The following LRP1B variants were observed in gnomAD, a reference collection of about 807,000 sequenced individuals.
The protein encoded by LRP1B is low-density lipoprotein receptor-related protein 1B.
LRP1B carries 217 observed loss-of-function variants against 556.6 expected under a neutral mutation model. That is an observed-to-expected ratio of 0.39 (90% confidence interval 0.35 to 0.44). The LOEUF is 0.44. Among genes scored for constraint, LRP1B ranks in the 20% least tolerant of loss-of-function variants. LRP1B has a pLI of 1.00. For synonymous variants in LRP1B, 2,047 were observed against 1,865.8 expected, an observed-to-expected ratio of 1.10 and a Z score of -2.50; for missense variants, 5,053 against 5,620.8, an observed-to-expected ratio of 0.90 and a Z score of 3.23.
intron 43 of LRP1B, among the ~76,000 whole-genome samples, chr2:140,575,920 CA>C (rs907900252): frequency 7.1e-6 from 1 of 141,414 alleles, no homozygotes; most frequent in African/African-American, 2.9e-5. Flanking sequence ...GACTCTGTCT[CA>C]AAAAAACAAA....
chr2:142,083,759 A>G (rs968743423), intron 1 of LRP1B, among the ~76,000 whole-genome samples: 3 of 152,198 alleles, frequency 2.0e-5, no homozygotes, highest in Non-Finnish European at 4.4e-5. Flanking sequence ...GCTAGACTGT[A>G]CATTAAATGG....
chr2:140,516,749 A>G, intron 50 of LRP1B, 140 bp downstream of exon 50: 3 of 778,426 alleles, frequency 3.9e-6, no homozygotes, highest in Non-Finnish European at 6.0e-6. Flanking sequence ...AATCTTTACC[A>G]TTTTTGTATT....
At chr2:141,333,053 C>T (rs2105498500) in intron 3 of LRP1B, among the ~76,000 whole-genome samples, 1 of 152,044 alleles carries the variant, frequency 6.6e-6, no homozygotes, top group South Asian at 2.1e-4. Context: ...CAACAAAAGC[C>T]CACAAATATA....
At chr2:140,617,656 T>C (rs2105241651) in intron 41 of LRP1B, among the ~76,000 whole-genome samples, 1 of 152,142 alleles carries the variant, frequency 6.6e-6, no homozygotes, top group African/African-American at 2.4e-5. Flanking sequence ...ATCAAACAGT[T>C]TAAAAAGAGA....
At chr2:141,603,750 T>C (rs926636348) in intron 2 of LRP1B, among the ~76,000 whole-genome samples, 1 of 152,212 alleles carries the variant, frequency 6.6e-6, no homozygotes, top group Non-Finnish European at 1.5e-5. Flanking sequence ...CTTAAAAAGA[T>C]AGATCTTTCA....
At chr2:141,107,339 T>TA (rs1002399395) in intron 7 of LRP1B, among the ~76,000 whole-genome samples, 300 of 152,012 alleles carry the variant, frequency 2.0e-3, no homozygotes, top group African/African-American at 6.9e-3. Flanking sequence ...AAAGATAAAT[T>TA]AAAAAAAACT....
intron 2 of LRP1B, among the ~76,000 whole-genome samples, chr2:141,531,334 G>A (rs1684864524): frequency 1.3e-5 from 2 of 151,990 alleles, no homozygotes; most frequent in Admixed American, 1.3e-4. Context: ...CCTGAAAGCC[G>A]TATGTCTATT....
intron 3 of LRP1B, among the ~76,000 whole-genome samples, chr2:141,396,934 G>A (rs1000347537): frequency 1.3e-5 from 2 of 151,536 alleles, no homozygotes; most frequent in African/African-American, 2.4e-5. Flanking sequence ...CCAACTTGGA[G>A]AAACCCCATC....
intron 2 of LRP1B, among the ~76,000 whole-genome samples, chr2:141,693,496 T>G (rs1232137345): frequency 2.0e-5 from 3 of 152,012 alleles, no homozygotes; most frequent in Non-Finnish European, 4.4e-5. Context: ...ATATAATGTA[T>G]TTATCAACTA....
rs367837636 is a variant in LRP1B, at chr2:141,583,457, G to A, written c.206-102924C>T. The stretch of plus-strand genomic sequence containing the variant: ...TACCGATCATCAAGTGGTAGAACAA[G>A]CAGGAAATGAAAAAATAACAGATCT... On this transcript the variant is annotated intron_variant, in intron 2 of 90. Coordinates refer to ENST00000389484, the MANE Select transcript of LRP1B (RefSeq NM_018557.3). Among the ~76,000 whole-genome samples the A allele has an allele frequency of 3.9e-5, 6 of 152,034 alleles. 1 individual carries two copies. The East Asian group carries it at 7.8e-4, about 20-fold the overall frequency.
chr2:141,042,834 T>C (rs1698741673), intron 11 of LRP1B, among the ~76,000 whole-genome samples: 1 of 151,936 alleles, frequency 6.6e-6, no homozygotes, highest in African/African-American at 2.4e-5. Context: ...CTAGAGGACA[T>C]AATGTTCTGC....
intron 41 of LRP1B, among the ~76,000 whole-genome samples, 158 bp from the exon 42 acceptor site, chr2:140,601,797 C>A (rs1454139804): frequency 2.0e-5 from 3 of 152,156 alleles, no homozygotes; most frequent in African/African-American, 7.2e-5. Flanking sequence ...GTGATACCTA[C>A]AATTGACAGC....
intron 43 of LRP1B, among the ~76,000 whole-genome samples, chr2:140,566,875 T>C (rs1681146784): frequency 1.3e-5 from 2 of 152,102 alleles, no homozygotes. Context: ...TCACCCACAG[T>C]GATCATGCAC....
At chr2:141,321,647 G>T (rs984882439) in intron 3 of LRP1B, among the ~76,000 whole-genome samples, 11 of 151,976 alleles carry the variant, frequency 7.2e-5, no homozygotes, top group African/African-American at 2.4e-4. Context: ...TCCAGCAATA[G>T]ATTACTGAGA....
At chr2:140,380,280 G>T (rs1420804049) in intron 67 of LRP1B, among the ~76,000 whole-genome samples, 1 of 152,080 alleles carries the variant, frequency 6.6e-6, no homozygotes, top group Non-Finnish European at 1.5e-5. Flanking sequence ...CTGTATCATT[G>T]CTTCCCATAC....
At position 140,389,767 on chromosome 2, in the gene LRP1B, A is replaced by G. The variant is rs562029969; in HGVS notation, c.10415-3758T>C. ...GTTTTATATATATATATATTCATAT[A>G]ATTGGTTTAATCACTGTCAAATTAC... On this transcript the variant is annotated intron_variant, in intron 66 of 90. Coordinates refer to ENST00000389484, the MANE Select transcript of LRP1B (RefSeq NM_018557.3). Among the ~76,000 whole-genome samples, 32 of 149,708 alleles carry G rather than the reference A, an allele frequency of 2.1e-4. 2 individuals are homozygous for G. Among genetic ancestry groups the G allele is most frequent in the African/African-American group, 6.1e-4 (25 of 40,984 alleles).
At chr2:141,076,889 G>A (rs1699801053) in intron 7 of LRP1B, among the ~76,000 whole-genome samples, 1 of 152,142 alleles carries the variant, frequency 6.6e-6, no homozygotes, top group African/African-American at 2.4e-5. Flanking sequence ...ATTGTTAATT[G>A]ATTGATAGGT....
chr2:141,485,028 C>T (rs4261672), intron 2 of LRP1B, among the ~76,000 whole-genome samples: 136,683 of 152,074 alleles, frequency 0.9, 62,193 homozygotes, highest in East Asian at 1. Flanking sequence ...AGAAGAGAGG[C>T]TCAGCTACTT....
chr2:140,664,362 TTCTA>T (rs1316988806), intron 41 of LRP1B, among the ~76,000 whole-genome samples: 1 of 152,140 alleles, frequency 6.6e-6, no homozygotes, highest in East Asian at 1.9e-4. Flanking sequence ...GAGATCTCCC[TTCTA>T]TCTATCTTGA....
Sources: allele counts gnomAD v4.1 joint callset (sites outside exome capture counted in the v4.1 genomes callset), GRCh38; gene constraint gnomAD v4.1.1; transcripts MANE v1.5; gene names NCBI Gene and HGNC (gene_info 2026-07-23, HGNC 2026-07-21).